ISCA1: variants seen among roughly 807,000 people sequenced by gnomAD.
ISCA1 encodes iron-sulfur cluster assembly 1 homolog, mitochondrial.
Under a neutral mutation model 14.7 loss-of-function variants are expected in ISCA1, and 9 were observed. That is an observed-to-expected ratio of 0.61 (90% CI 0.37 to 1.07). ISCA1 has a LOEUF of 1.07. Ranked by LOEUF, ISCA1 falls within the 50% of genes least tolerant of loss-of-function variation. The pLI, the probability that ISCA1 is intolerant of heterozygous loss-of-function variation, is 0.01. For missense variants in ISCA1, 102 were observed against 150.1 expected, an observed-to-expected ratio of 0.68 and a Z score of 1.67; for synonymous variants, 38 against 54.3, an observed-to-expected ratio of 0.70 and a Z score of 1.32.
chr9:86,266,532 T>TA (rs957410981), intron 3 of ISCA1, among the ~76,000 whole-genome samples: 1 of 151,684 alleles, frequency 6.6e-6, no homozygotes, highest in African/African-American at 2.4e-5. Context: ...TTTTATGAAA[T>TA]AAAAAAAAAT....
At chr9:86,276,169 C>G (rs954120419) in intron 1 of ISCA1, among the ~76,000 whole-genome samples, 6 of 151,418 alleles carry the variant, frequency 4.0e-5, no homozygotes, top group African/African-American at 1.5e-4. Flanking sequence ...TGATGAGAGA[C>G]AGTGACAGAT....
intron 3 of ISCA1, chr9:86,267,237 A>C: frequency 1.4e-6 from 1 of 722,484 alleles, no homozygotes; most frequent in Non-Finnish European, 1.7e-6. Flanking sequence ...CAAACAAACA[A>C]AACAACGAAA....
At chr9:86,267,491 T>C (rs1332295882) in intron 3 of ISCA1, 1 of 975,596 alleles carries the variant, frequency 1.0e-6, no homozygotes, top group Non-Finnish European at 1.2e-6. Flanking sequence ...AAGTGCATAC[T>C]TCCAATGACA....
chr9:86,274,360 G>A, intron 1 of ISCA1, 118 bp from the exon 2 acceptor site: 1 of 678,650 alleles, frequency 1.5e-6, no homozygotes, highest in Non-Finnish European at 2.6e-6. Flanking sequence ...TTCCATTCTT[G>A]CCAGGGTACC....
intron 1 of ISCA1, among the ~76,000 whole-genome samples, chr9:86,281,214 AATGATAC>A: frequency 6.6e-6 from 1 of 152,192 alleles, no homozygotes. Context: ...GGTAATATAG[AATGATAC>A]ATAATCAGTA....
At chr9:86,271,202 C>T (rs549212685) in intron 3 of ISCA1, among the ~76,000 whole-genome samples, 22 of 152,212 alleles carry the variant, frequency 1.4e-4, no homozygotes, top group Middle Eastern at 3.4e-3. Flanking sequence ...AGCACAGTCA[C>T]GTGCAGTACA....
At position 86,269,587 on chromosome 9, in the gene ISCA1, CTACTT is replaced by C. The variant is rs373251417; in HGVS notation, c.241+2415_241+2419del. Among the ~76,000 whole-genome samples, 404 of 151,952 alleles carry C rather than the reference CTACTT, an allele frequency of 2.7e-3. 2 individuals are homozygous for C. The highest frequency in any genetic ancestry group is 0.014 in the East Asian group (74 of 5,172). On this transcript the variant is annotated intron_variant, in intron 3 of 3. Coordinates refer to ENST00000375991, the MANE Select transcript of ISCA1 (RefSeq NM_030940.4). ...ACTTTCTTCACAGAATTGGAAAAAACTACTTTAAAGTTCATATGGAACCAAAAAAA... is the reference window on the plus strand; with the variant it reads ...ACTTTCTTCACAGAATTGGAAAAAACTAAAGTTCATATGGAACCAAAAAAA...
chr9:86,269,921 C>T (rs1286326055), intron 3 of ISCA1, among the ~76,000 whole-genome samples: 1 of 152,148 alleles, frequency 6.6e-6, no homozygotes, highest in South Asian at 2.1e-4. Context: ...CCCTTCCTTA[C>T]ACCTTATACC....
chr9:86,272,327 G>A (rs1260841780), intron 2 of ISCA1, among the ~76,000 whole-genome samples: 1 of 152,160 alleles, frequency 6.6e-6, no homozygotes, highest in East Asian at 1.9e-4. Context: ...TACAAGGCAG[G>A]AGCCACCCCG....
At position 86,282,505 on chromosome 9, in the gene ISCA1, C is replaced by A. The variant is rs1825535882; in HGVS notation, c.-47G>T. The A allele has an allele frequency of 6.5e-7, 1 of 1,549,710 alleles. No individual in the cohort carries two copies. Among genetic ancestry groups the A allele is most frequent in the African/African-American group, 1.4e-5 (1 of 73,038 alleles). On this transcript the variant is annotated 5_prime_UTR_variant, in exon 1 of 4. It adds an upstream start codon to the 5' untranslated region. Transcript: ENST00000375991. The stretch of plus-strand genomic sequence containing the variant: ...GTGCCTCGGGCCGAAGGTCGGCCGC[C>A]TCAGCTTCTCTCCATGGACACGGCG...
chr9:86,278,255 A>T (rs1587821322), intron 1 of ISCA1, among the ~76,000 whole-genome samples: 1 of 152,204 alleles, frequency 6.6e-6, no homozygotes, highest in East Asian at 1.9e-4. Context: ...TCATTCTTTA[A>T]CAGCCATGGC....
chr9:86,268,951 C>T (rs920259706), intron 3 of ISCA1, among the ~76,000 whole-genome samples: 1 of 151,564 alleles, frequency 6.6e-6, no homozygotes, highest in Non-Finnish European at 1.5e-5. Context: ...TGTGCCACCA[C>T]ACCCAGTTAA....
At chr9:86,274,288 A>G (rs781302266) in intron 1 of ISCA1, 46 bp from the exon 2 acceptor site, 3 of 1,260,528 alleles carry the variant, frequency 2.4e-6, no homozygotes, top group Non-Finnish European at 1.2e-6. Context: ...TTGTTATTCA[A>G]AGCCTCATAT....
intron 3 of ISCA1, among the ~76,000 whole-genome samples, chr9:86,269,261 T>A (rs1825334144): frequency 6.6e-6 from 1 of 152,188 alleles, no homozygotes; most frequent in Non-Finnish European, 1.5e-5. Flanking sequence ...ACAAAATCAA[T>A]GCACAAAAAT....
intron 1 of ISCA1, 131 bp downstream of exon 1, chr9:86,282,247 C>G (rs990421788): frequency 1.0e-6 from 1 of 967,742 alleles, no homozygotes; most frequent in South Asian, 1.8e-5. Flanking sequence ...GGCTGTGCGG[C>G]GGGTCGGAGC....
rs1489614878 is a variant in ISCA1, at chr9:86,265,266, C to T, written c.*777G>A. The T allele has an allele frequency of 6.6e-6, 1 of 152,210 alleles. No individual in the cohort carries two copies. Among genetic ancestry groups the T allele is most frequent in the African/African-American group, 2.4e-5 (1 of 41,450 alleles). The allele number at this position is 152,210 out of a possible 1,614,324, so 9.4% of individuals were successfully genotyped here. Reference sequence around the variant, plus strand: ...AGGGGAGAGGGGGGTAGAGTCCCTACTCTCCCCCGGCCTGTGGTGTCAGGG... The same window carrying T: ...AGGGGAGAGGGGGGTAGAGTCCCTATTCTCCCCCGGCCTGTGGTGTCAGGG... On this transcript the variant is annotated 3_prime_UTR_variant, in exon 4 of 4. Transcript: ENST00000375991.
chr9:86,274,453 T>A (rs1401827885), intron 1 of ISCA1, among the ~76,000 whole-genome samples: 1 of 152,176 alleles, frequency 6.6e-6, no homozygotes, highest in Non-Finnish European at 1.5e-5. Flanking sequence ...GCTAGCAACA[T>A]CCTTTTAATC....
chr9:86,282,086 C>G, intron 1 of ISCA1: 1 of 450,120 alleles, frequency 2.2e-6, no homozygotes, highest in South Asian at 3.1e-5. Context: ...GCGATCGGCC[C>G]CCGGGGACGC....
chr9:86,268,801 T>C (rs1825326348), intron 3 of ISCA1, among the ~76,000 whole-genome samples: 1 of 152,086 alleles, frequency 6.6e-6, no homozygotes, highest in African/African-American at 2.4e-5. Flanking sequence ...ATGATGTCTT[T>C]TTTTCTTTTT....
Sources: gnomAD v4.1 joint callset for allele counts (sites outside exome capture counted in the v4.1 genomes callset) on GRCh38, gnomAD v4.1.1 for gene constraint, MANE v1.5 for transcripts, NCBI Gene and HGNC (gene_info 2026-07-23, HGNC 2026-07-21) for gene names.